The following MYCBP2 variants were observed in gnomAD, a reference collection of about 807,000 sequenced individuals.
The protein encoded by MYCBP2 is MYC binding protein 2.
A neutral mutation model predicts 525.3 loss-of-function variants in MYCBP2; 120 were observed. That is an observed-to-expected ratio of 0.23 (90% CI 0.20 to 0.27). The LOEUF (loss-of-function observed/expected upper bound fraction) is 0.27. MYCBP2 is among the 10% of genes least tolerant of loss of function. The pLI is 1.00. For synonymous variants in MYCBP2, 1,894 were observed against 1,955.8 expected (o/e 0.97, Z 0.83); for missense variants, 4,149 against 5,657.1 (o/e 0.73, Z 8.55).
In MYCBP2 at chr13:77,143,011, G is replaced by A. The variant is rs529537537; in HGVS notation, c.7303+1434C>T. On this transcript the variant is annotated intron_variant, in intron 49 of 82. Transcript: ENST00000544440. ...GATCACAGAAACCCCTTTCCTTGAG[G>A]AGCATCAGGAAAAATAATGTTACAA... is the stretch of plus-strand genomic sequence containing the variant. 3.3e-5 allele frequency among the ~76,000 whole-genome samples: 5 copies of A among 152,294 alleles called. No homozygotes were observed. In the South Asian group the frequency reaches 8.3e-4, roughly 25 times the overall value.
chr13:77,118,187 G>A (rs1334241395), intron 55 of MYCBP2, among the ~76,000 whole-genome samples: 1 of 152,100 alleles, frequency 6.6e-6, no homozygotes, highest in Non-Finnish European at 1.5e-5. Flanking sequence ...TCTTAGCTCA[G>A]AATAGCTTAG....
intron 2 of MYCBP2, among the ~76,000 whole-genome samples, chr13:77,292,161 CAG>C (rs1351065214): frequency 6.6e-6 from 1 of 152,172 alleles, no homozygotes; most frequent in East Asian, 1.9e-4. Context: ...AGTTCACTGC[CAG>C]AGAGAAAGCA....
chr13:77,147,713 C>G (rs2055830339), intron 47 of MYCBP2, among the ~76,000 whole-genome samples: 2 of 152,060 alleles, frequency 1.3e-5, no homozygotes, highest in African/African-American at 2.4e-5. Context: ...TCTAGACTTT[C>G]AGTACAATGT....
intron 72 of MYCBP2, among the ~76,000 whole-genome samples, chr13:77,065,157 T>A (rs1594163845): frequency 6.6e-6 from 1 of 152,350 alleles, no homozygotes; most frequent in East Asian, 1.9e-4. Context: ...CAACTACCTT[T>A]ATTTGCTACC....
intron 72 of MYCBP2, among the ~76,000 whole-genome samples, chr13:77,065,009 C>T (rs1414866773): frequency 6.6e-6 from 1 of 152,142 alleles, no homozygotes; most frequent in Non-Finnish European, 1.5e-5. Context: ...ATTACTCTCA[C>T]ATCTGATAAA....
chr13:77,286,940 A>G (rs1306065087), intron 3 of MYCBP2, among the ~76,000 whole-genome samples: 4 of 148,186 alleles, frequency 2.7e-5, no homozygotes. Flanking sequence ...GCTGGAGTGC[A>G]GTGGCGCCAT....
At chr13:77,281,898 C>T (rs1438358682) in intron 3 of MYCBP2, among the ~76,000 whole-genome samples, 1 of 152,102 alleles carries the variant, frequency 6.6e-6, no homozygotes, top group Non-Finnish European at 1.5e-5. Context: ...ACTTCCTATA[C>T]TTTTATATTT....
intron 55 of MYCBP2, among the ~76,000 whole-genome samples, chr13:77,118,122 C>T (rs1200160034): frequency 2.0e-5 from 3 of 152,096 alleles, no homozygotes. Context: ...GTGATGCTTA[C>T]CATAGTCATG....
rs763668520 is a variant in MYCBP2, at chr13:77,097,912, T to C, written c.9242A>G (p.Lys3081Arg). 4 of 1,612,620 alleles carry C rather than the reference T, an allele frequency of 2.5e-6. No homozygotes were observed. The African/African-American group carries it at 5.3e-5, about 22-fold the overall frequency. Residue 3081 changes from lysine (K) to arginine (R), a missense_variant, in exon 56 of 83, where the codon AAA (lysine) becomes AGA (arginine). Lys to Arg is a conservative substitution (Grantham distance 26). Coordinates refer to ENST00000544440, the MANE Select transcript of MYCBP2 (RefSeq NM_015057.5). The part of the protein sequence containing the change: ...SLNSQQPTEE[K>R]ETKLKNRHSL... ...ATGTCTATTTTTTAACTTGGTTTCT[T>C]TTTCCTCTGTAGGTTGTTGGCTATT... is the stretch of plus-strand genomic sequence containing the variant.
intron 45 of MYCBP2, among the ~76,000 whole-genome samples, chr13:77,157,438 T>C (rs1260441011): frequency 6.6e-6 from 1 of 152,140 alleles, no homozygotes; most frequent in Non-Finnish European, 1.5e-5. Flanking sequence ...TGGCCAGACT[T>C]GTCTTCAACT....
intron 22 of MYCBP2, among the ~76,000 whole-genome samples, chr13:77,211,681 T>TA (rs2064030306): frequency 6.6e-6 from 1 of 152,330 alleles, no homozygotes; most frequent in Admixed American, 6.5e-5. Flanking sequence ...AAAACTCTCT[T>TA]ACTCTAATAT....
intron 1 of MYCBP2, among the ~76,000 whole-genome samples, chr13:77,303,405 A>T (rs2154370971): frequency 6.6e-6 from 1 of 152,252 alleles, no homozygotes; most frequent in East Asian, 1.9e-4. Context: ...CATATCCAAC[A>T]ACAATAGAAT....
chr13:77,256,557 A>G (rs2072230950), intron 14 of MYCBP2, among the ~76,000 whole-genome samples: 1 of 152,134 alleles, frequency 6.6e-6, no homozygotes, highest in South Asian at 2.1e-4. Flanking sequence ...TCCAATTAAA[A>G]AATGTGAAAA....
intron 17 of MYCBP2, among the ~76,000 whole-genome samples, chr13:77,239,237 A>G (rs2068449847): frequency 6.6e-6 from 1 of 152,216 alleles, no homozygotes; most frequent in Admixed American, 6.5e-5. Context: ...CTAATTCTTA[A>G]ATTCTGAAAT....
chr13:77,071,981 A>G (rs2041384412), intron 68 of MYCBP2, among the ~76,000 whole-genome samples: 1 of 152,140 alleles, frequency 6.6e-6, no homozygotes, highest in Non-Finnish European at 1.5e-5. Flanking sequence ...TAAATTACCC[A>G]AGGGTCAAAG....
chr13:77,277,165 C>T (rs576878020), intron 4 of MYCBP2, among the ~76,000 whole-genome samples: 17 of 152,176 alleles, frequency 1.1e-4, no homozygotes, highest in African/African-American at 7.2e-5. Flanking sequence ...GTAGGAAATA[C>T]GACATCCAAG....
chr13:77,232,403 A>C (rs1465329622), intron 18 of MYCBP2, among the ~76,000 whole-genome samples: 1 of 152,136 alleles, frequency 6.6e-6, no homozygotes, highest in African/African-American at 2.4e-5. Context: ...ATTTTATATA[A>C]ATTTATAAAT....
At chr13:77,261,442 GA>G (rs969955374) in intron 11 of MYCBP2, 67 bp from the exon 12 acceptor site, 51 of 1,063,594 alleles carry the variant, frequency 4.8e-5, no homozygotes, top group Middle Eastern at 2.2e-4. Flanking sequence ...TTCACATGAG[GA>G]AAAAAAAGGA....
In MYCBP2 at chr13:77,058,438, T is replaced by C; in HGVS notation, c.13141-32A>G. 1 of 1,507,032 alleles carries C rather than the reference T, an allele frequency of 6.6e-7. No homozygotes were observed. The highest frequency in any genetic ancestry group is 2.4e-5 in the East Asian group (1 of 41,164). 93.4% of individuals were successfully genotyped at this position (1,507,032 alleles called of 1,614,324 possible). A position where few individuals can be genotyped will look rare whatever the true frequency, so the allele number is the denominator to read the frequency against. ...AAGATGAATTACAATGTTACACAAG[T>C]ATGTAAAAAAGCACACATTCTGGTA... On this transcript the variant is annotated intron_variant, in intron 77 of 82. Coordinates refer to ENST00000544440, the MANE Select transcript of MYCBP2 (RefSeq NM_015057.5). This position sits in a 1 kb window ranked among gnomAD's most constrained non-coding sequence, Gnocchi z 4.1.
Sources: allele counts gnomAD v4.1 joint callset (sites outside exome capture counted in the v4.1 genomes callset), GRCh38; gene constraint gnomAD v4.1.1; non-coding constraint Gnocchi (gnomAD v3.1); transcripts MANE v1.5; gene names NCBI Gene and HGNC (gene_info 2026-07-23, HGNC 2026-07-21).